Variants in SENP7 observed in about 807,000 individuals in gnomAD.
SENP7 encodes sentrin-specific protease 7.
A neutral mutation model predicts 141.2 loss-of-function variants in SENP7; 64 were observed. The ratio of observed to expected loss-of-function variants is 0.45; its 90% CI spans 0.37 to 0.56. SENP7 has a LOEUF of 0.56. Among genes scored for constraint, SENP7 ranks in the 20% least tolerant of loss-of-function variants. The pLI, the probability that SENP7 is intolerant of heterozygous loss-of-function variation, is 0.00. For missense variants in SENP7, 1,025 were observed against 1,212.2 expected (o/e 0.85, Z 2.29); for synonymous variants, 382 against 426.4 (o/e 0.90, Z 1.28).
At chr3:101,378,998 G>A (rs181828575) in intron 6 of SENP7, among the ~76,000 whole-genome samples, 19 of 152,058 alleles carry the variant, frequency 1.2e-4, no homozygotes, top group Admixed American at 2.0e-4. Context: ...GTAAAGCTAC[G>A]GTAATCAAAA....
At chr3:101,342,141 T>C (rs989477220) in intron 14 of SENP7, among the ~76,000 whole-genome samples, 1 of 152,072 alleles carries the variant, frequency 6.6e-6, no homozygotes, top group Non-Finnish European at 1.5e-5. Flanking sequence ...GGAAAATATA[T>C]AAACAATATA....
chr3:101,419,389 T>C (rs1211852046), intron 4 of SENP7, among the ~76,000 whole-genome samples: 1 of 152,300 alleles, frequency 6.6e-6, no homozygotes, highest in African/African-American at 2.4e-5. Flanking sequence ...AGCTACACTT[T>C]TAAAAGATCA....
rs185374317 is a variant in SENP7 at position 101,340,450 on chromosome 3, A to C, written c.2241-239T>G. On this transcript the variant is annotated intron_variant, in intron 15 of 23. Transcript: ENST00000394095. ...AATACTTCCCATGTGGGCTAGTCTT[A>C]ATAGGCTACTATCTGAATTAGTCTC... 6.1e-5 allele frequency: 27 copies of C among 440,158 alleles called. 1 individual carries two copies. The Admixed American group carries it at 1.2e-3, about 19-fold the overall frequency. The allele number at this position is 440,158 out of a possible 1,614,324, so 27.3% of individuals were successfully genotyped here.
At chr3:101,339,306 A>G (rs891649526) in intron 16 of SENP7, among the ~76,000 whole-genome samples, 1 of 152,210 alleles carries the variant, frequency 6.6e-6, no homozygotes, top group Non-Finnish European at 1.5e-5. Flanking sequence ...AGATATCTCC[A>G]TCAACTGTTG....
chr3:101,375,099 T>A (rs74589091), intron 6 of SENP7, among the ~76,000 whole-genome samples: 20,893 of 151,324 alleles, frequency 0.14, 1,453 homozygotes, highest in South Asian at 0.18. Flanking sequence ...TAAAAAAAAA[T>A]TTTTTTTTCA....
rs2059218631 is a variant in SENP7 at position 101,337,550 on chromosome 3, T to C, written c.2439A>G (p.Thr813=). 1 of 1,573,338 alleles carries C rather than the reference T, an allele frequency of 6.4e-7. No individual in the cohort carries two copies. The highest frequency in any genetic ancestry group is 8.7e-7 in the Non-Finnish European group (1 of 1,145,864). Residue 813 remains threonine, a synonymous_variant, in exon 17 of 24, where the codon ACA becomes ACG. Coordinates refer to ENST00000394095, the MANE Select transcript of SENP7 (RefSeq NM_020654.5). The part of the protein sequence containing the change: ...IFSSFFYKCL[T]RKENNLTEDN... ...CTTCTGTTAAATTATTTTCCTTTCT[T>C]GTCAAGCATTTATAGAAAAAGCTAC...
At chr3:101,375,568 A>G (rs1425164681) in intron 6 of SENP7, among the ~76,000 whole-genome samples, 2 of 149,360 alleles carry the variant, frequency 1.3e-5, no homozygotes, top group Non-Finnish European at 3.0e-5. Flanking sequence ...AAAAAAAAAA[A>G]GAAGCTAAAC....
At chr3:101,363,284 G>C (rs879809752) in intron 10 of SENP7, 1 of 179,708 alleles carries the variant, frequency 5.6e-6, no homozygotes, top group Non-Finnish European at 1.1e-5. Flanking sequence ...CTTTTTTAGT[G>C]ATAAAATGAG....
intron 16 of SENP7, among the ~76,000 whole-genome samples, chr3:101,339,283 T>C (rs1356237220): frequency 6.6e-6 from 1 of 152,088 alleles, no homozygotes; most frequent in African/African-American, 2.4e-5. Flanking sequence ...GAGAGATGTG[T>C]AAAATAATTA....
At position 101,405,466 on chromosome 3, in the gene SENP7, C is replaced by G. The variant is rs60782840; in HGVS notation, c.483-6411G>C. ...GCCCTAGACCTTCCCTCTGACAGAG[C>G]CTACTCAAATGACAAGGAACCAGAA... On this transcript the variant is annotated intron_variant, in intron 5 of 23. Coordinates refer to ENST00000394095, the MANE Select transcript of SENP7 (RefSeq NM_020654.5). Among the ~76,000 whole-genome samples, 1,040 of 152,268 alleles carry G rather than the reference C, an allele frequency of 6.8e-3. 8 individuals are homozygous for G. The highest frequency in any genetic ancestry group is 0.024 in the African/African-American group (995 of 41,554).
At chr3:101,362,784 T>C (rs2059934873) in intron 10 of SENP7, among the ~76,000 whole-genome samples, 1 of 152,196 alleles carries the variant, frequency 6.6e-6, no homozygotes, top group South Asian at 2.1e-4. Flanking sequence ...CAACCAGAAA[T>C]GGCTTATACT....
intron 4 of SENP7, among the ~76,000 whole-genome samples, chr3:101,450,382 C>CT (rs2063080999): frequency 6.6e-6 from 1 of 152,172 alleles, no homozygotes; most frequent in Non-Finnish European, 1.5e-5. Context: ...ATCTACAGAA[C>CT]TCTCCACCCC....
intron 5 of SENP7, among the ~76,000 whole-genome samples, chr3:101,409,588 C>T (rs1423634883): frequency 6.6e-6 from 1 of 152,072 alleles, no homozygotes; most frequent in Non-Finnish European, 1.5e-5. Context: ...AAAATAAACA[C>T]CTAGATCAAG....
At chr3:101,392,931 C>T (rs2060856893) in intron 6 of SENP7, among the ~76,000 whole-genome samples, 1 of 152,216 alleles carries the variant, frequency 6.6e-6, no homozygotes, top group East Asian at 1.9e-4. Flanking sequence ...GTACAGTGAG[C>T]TATGATCATG....
intron 4 of SENP7, chr3:101,457,754 T>A: frequency 1.3e-6 from 1 of 756,652 alleles, no homozygotes; most frequent in Non-Finnish European, 2.2e-6. Context: ...TAAGGGGCCA[T>A]GCAGAGAACT....
intron 3 of SENP7, among the ~76,000 whole-genome samples, chr3:101,466,860 C>T (rs1040497973): frequency 6.6e-6 from 1 of 152,124 alleles, no homozygotes; most frequent in African/African-American, 2.4e-5. Flanking sequence ...TCACAGAGGG[C>T]AAGCTGAAGC....
chr3:101,423,632 G>A (rs1363714090), intron 4 of SENP7, among the ~76,000 whole-genome samples: 1 of 152,154 alleles, frequency 6.6e-6, no homozygotes, highest in Non-Finnish European at 1.5e-5. Flanking sequence ...ACCACCAAGG[G>A]ACCAAGACGA....
chr3:101,448,519 G>A (rs571560782), intron 4 of SENP7, among the ~76,000 whole-genome samples: 30 of 152,312 alleles, frequency 2.0e-4, no homozygotes, highest in Non-Finnish European at 2.8e-4. Context: ...GCAGAACAGC[G>A]GATACTGGTG....
At position 101,364,972 on chromosome 3, in the gene SENP7, T is replaced by C. The variant is rs113429877; in HGVS notation, c.1338A>G (p.Glu446=). Residue 446 remains glutamate, a synonymous_variant, in exon 10 of 24, where the codon GAA becomes GAG. Coordinates refer to ENST00000394095, the MANE Select transcript of SENP7 (RefSeq NM_020654.5). ...AACTTTTATGTTCAACAGGTCCTTC[T>C]TCATCACTGGAAACAACAACTAAAA... ...SAEPIVVSSD[E]EGPVEHKSSE... 1 of 1,557,362 alleles carries C rather than the reference T, an allele frequency of 6.4e-7. No homozygotes were observed. Among genetic ancestry groups the C allele is most frequent in the Non-Finnish European group, 8.7e-7 (1 of 1,154,834 alleles).
Sources: allele counts gnomAD v4.1 joint callset (sites outside exome capture counted in the v4.1 genomes callset), GRCh38; gene constraint gnomAD v4.1.1; transcripts MANE v1.5; gene names NCBI Gene and HGNC (gene_info 2026-07-23, HGNC 2026-07-21).